Variants in UST observed in about 807,000 individuals in gnomAD.
UST encodes the protein uronyl 2-sulfotransferase.
In UST, 21 loss-of-function variants were observed where a neutral mutation model predicts 45.6. The observed-to-expected ratio is 0.46, with a 90% CI of 0.33 to 0.66. UST has a LOEUF of 0.66. Among genes scored for constraint, UST ranks in the 30% least tolerant of loss-of-function variants. The pLI, the probability that UST is intolerant of heterozygous loss-of-function variation, is 0.02. For synonymous variants in UST, 215 were observed against 200.6 expected, an observed-to-expected ratio of 1.07 and a Z score of -0.61; for missense variants, 463 against 512.4, an observed-to-expected ratio of 0.90 and a Z score of 0.93.
intron 7 of UST, among the ~76,000 whole-genome samples, chr6:149,049,964 C>CAG (rs1186758957): frequency 2.6e-5 from 4 of 151,408 alleles, no homozygotes; most frequent in Non-Finnish European, 5.9e-5. Context: ...CACACACACA[C>CAG]ACGTGGCCCT....
chr6:148,898,211 C>T (rs1305823348), intron 2 of UST, among the ~76,000 whole-genome samples: 1 of 152,124 alleles, frequency 6.6e-6, no homozygotes, highest in Non-Finnish European at 1.5e-5. Flanking sequence ...AGAGTCCCTT[C>T]CACCCTCTCA....
At chr6:148,970,526 A>G (rs1442929020) in intron 5 of UST, among the ~76,000 whole-genome samples, 2 of 152,174 alleles carry the variant, frequency 1.3e-5, no homozygotes, top group African/African-American at 4.8e-5. Context: ...CGAGTCACCC[A>G]GGTTACCTCT....
chr6:148,954,332 C>A (rs1039347309), intron 4 of UST, among the ~76,000 whole-genome samples: 2 of 152,118 alleles, frequency 1.3e-5, no homozygotes, highest in African/African-American at 2.4e-5. Flanking sequence ...TAATTTAGTG[C>A]TAGAGTAATG....
intron 2 of UST, among the ~76,000 whole-genome samples, chr6:148,912,857 C>A (rs1429039612): frequency 6.6e-6 from 1 of 152,158 alleles, no homozygotes; most frequent in Non-Finnish European, 1.5e-5. Flanking sequence ...CTGTGAAGTA[C>A]TGTAGAGCAG....
At position 148,934,883 on chromosome 6, in the gene UST, T is replaced by C. The variant is rs1008113257; in HGVS notation, c.292-6396T>C. The stretch of plus-strand genomic sequence containing the variant: ...TGAGGAATTTGAATATACAGTTATT[T>C]GCGAACCACAGCTTGTACTATATTA... On this transcript the variant is annotated intron_variant, in intron 2 of 7. Transcript: ENST00000367463. The surrounding 1 kb of genome is among the most constrained non-coding windows in gnomAD (Gnocchi z 4.1). 3.9e-5 allele frequency among the ~76,000 whole-genome samples: 6 copies of C among 152,218 alleles called. No homozygotes were observed. Among genetic ancestry groups the C allele is most frequent in the African/African-American group, 1.4e-4 (6 of 41,454 alleles).
intron 3 of UST, among the ~76,000 whole-genome samples, chr6:148,948,125 C>T (rs1183624581): frequency 1.3e-5 from 2 of 152,170 alleles, no homozygotes; most frequent in African/African-American, 4.8e-5. Flanking sequence ...GCAGGCCATC[C>T]TGCCTCCTGC....
intron 2 of UST, among the ~76,000 whole-genome samples, chr6:148,919,206 C>G (rs760839444): frequency 3.8e-4 from 58 of 152,310 alleles, no homozygotes; most frequent in Admixed American, 1.5e-3. Context: ...CCTCCACCTC[C>G]TCTCCAACAA....
intron 3 of UST, among the ~76,000 whole-genome samples, chr6:148,949,829 A>G (rs58550335): frequency 0.062 from 9,448 of 152,182 alleles, 880 homozygotes; most frequent in African/African-American, 0.2. Context: ...CACAAACTCA[A>G]CTACAATGTA....
chr6:148,840,486 A>G (rs1777867582), intron 1 of UST, among the ~76,000 whole-genome samples: 1 of 152,132 alleles, frequency 6.6e-6, no homozygotes, highest in South Asian at 2.1e-4. Context: ...GGTTAGCATC[A>G]GAAGGAAGCC....
chr6:149,073,039 A>C (rs1776841191), intron 7 of UST, among the ~76,000 whole-genome samples: 3 of 152,246 alleles, frequency 2.0e-5, no homozygotes, highest in Non-Finnish European at 2.9e-5. Context: ...TTTTCATGCT[A>C]TTCAGCAATG....
intron 1 of UST, among the ~76,000 whole-genome samples, chr6:148,841,906 G>C (rs1777898991): frequency 6.6e-6 from 1 of 152,166 alleles, no homozygotes; most frequent in Non-Finnish European, 1.5e-5. Context: ...GGGAGTTCGA[G>C]ACCAGCCTGG....
chr6:148,910,746 T>A (rs1287904948), intron 2 of UST, among the ~76,000 whole-genome samples: 2 of 152,214 alleles, frequency 1.3e-5, no homozygotes, highest in Non-Finnish European at 2.9e-5. Flanking sequence ...AATAACCTTA[T>A]TTAACCCATA....
At chr6:148,985,818 A>G (rs528107492) in intron 5 of UST, among the ~76,000 whole-genome samples, 10 of 152,224 alleles carry the variant, frequency 6.6e-5, no homozygotes, top group African/African-American at 2.4e-4. Context: ...AAAAACAAAT[A>G]CTATTGAGCA....
intron 7 of UST, among the ~76,000 whole-genome samples, chr6:149,063,781 A>C (rs1776692504): frequency 6.6e-6 from 1 of 152,192 alleles, no homozygotes. Flanking sequence ...CCAGGTGCTG[A>C]GCTGTGGAAA....
At chr6:148,854,720 C>T (rs2114790919) in intron 1 of UST, among the ~76,000 whole-genome samples, 1 of 152,076 alleles carries the variant, frequency 6.6e-6, no homozygotes, top group Middle Eastern at 3.4e-3. Context: ...TTGAAGTTCA[C>T]ATATGGATGG....
chr6:148,808,604 C>T (rs1323365421), intron 1 of UST, among the ~76,000 whole-genome samples: 1 of 151,924 alleles, frequency 6.6e-6, no homozygotes, highest in Non-Finnish European at 1.5e-5. Flanking sequence ...CAGGAGATGG[C>T]TTTTGCTTGA....
chr6:148,992,964 A>C (rs890001556), intron 5 of UST: 3 of 981,706 alleles, frequency 3.1e-6, no homozygotes, highest in Non-Finnish European at 2.4e-6. Context: ...AATTATACTG[A>C]AATACATTTC....
At chr6:148,814,018 T>C (rs1777311912) in intron 1 of UST, among the ~76,000 whole-genome samples, 1 of 152,222 alleles carries the variant, frequency 6.6e-6, no homozygotes, top group Admixed American at 6.5e-5. Context: ...GGAACCCATC[T>C]GGATGCATTT....
At position 149,061,010 on chromosome 6, in the gene UST, C is replaced by T. The variant is rs533046125; in HGVS notation, c.938-12823C>T. 3.3e-5 allele frequency among the ~76,000 whole-genome samples: 5 copies of T among 152,226 alleles called. No individual in the cohort carries two copies. The East Asian group carries it at 9.7e-4, about 29-fold the overall frequency. On this transcript the variant is annotated intron_variant, in intron 7 of 7. Coordinates refer to ENST00000367463, the MANE Select transcript of UST (RefSeq NM_005715.3). ...TGCAGATTGTTAAGGGAAGAGGGCTCTGGTCAGCGCGGAGTGTGCATACAC... is the reference window on the plus strand; with the variant it reads ...TGCAGATTGTTAAGGGAAGAGGGCTTTGGTCAGCGCGGAGTGTGCATACAC...
Sources: gnomAD v4.1 joint callset for allele counts (sites outside exome capture counted in the v4.1 genomes callset) on GRCh38, gnomAD v4.1.1 for gene constraint, Gnocchi (gnomAD v3.1) non-coding constraint, MANE v1.5 for transcripts, NCBI Gene and HGNC (gene_info 2026-07-23, HGNC 2026-07-21) for gene names.